PIK3CD: variants seen among roughly 807,000 people sequenced by gnomAD.
PIK3CD encodes phosphatidylinositol 4,5-bisphosphate 3-kinase catalytic subunit delta isoform.
PIK3CD carries 20 observed loss-of-function variants against 122.9 expected under a neutral mutation model. The observed-to-expected ratio is 0.16, with a 90% CI of 0.11 to 0.24. PIK3CD has a LOEUF of 0.24. PIK3CD is among the 10% of genes least tolerant of loss of function. The probability of loss-of-function intolerance (pLI) is 1.00; values close to 1 mark genes in which losing one functional copy is unlikely to be tolerated. For missense variants in PIK3CD, 787 were observed against 1,406.3 expected (o/e 0.56, Z 7.04); for synonymous variants, 596 against 593.4 (o/e 1.00, Z -0.06).
In PIK3CD at chr1:9,717,909, G is replaced by T. The variant is rs1029247537; in HGVS notation, c.1020+283G>T. Among the ~76,000 whole-genome samples, 1 of 152,132 alleles carries T rather than the reference G, an allele frequency of 6.6e-6. No homozygotes were observed. The highest frequency in any genetic ancestry group is 2.4e-5 in the African/African-American group (1 of 41,418). On this transcript the variant is annotated intron_variant, in intron 8 of 23. Coordinates refer to ENST00000377346, the MANE Select transcript of PIK3CD (RefSeq NM_005026.5). The surrounding 1 kb of genome is among the most constrained non-coding windows in gnomAD (Gnocchi z 5.4). ...GGGGCCAGGTTCAGCCCAGGGATCC[G>T]GGACCGCAGAGCTGGGGGAAGGGCC...
intron 2 of PIK3CD, among the ~76,000 whole-genome samples, chr1:9,692,596 G>A (rs1039599190): frequency 1.3e-5 from 2 of 152,056 alleles, no homozygotes; most frequent in African/African-American, 4.8e-5. Flanking sequence ...TGGGCGTAGT[G>A]GTGGGCACCT....
chr1:9,713,676 G>A (rs1287515970), intron 3 of PIK3CD, among the ~76,000 whole-genome samples: 4 of 151,896 alleles, frequency 2.6e-5, no homozygotes, highest in African/African-American at 9.7e-5. Flanking sequence ...CTGCAGCCTT[G>A]ACATCCTGGG....
the PIK3CD span, among the ~76,000 whole-genome samples, chr1:9,628,272 A>G: frequency 6.6e-6 from 1 of 152,186 alleles, no homozygotes; most frequent in African/African-American, 2.4e-5. Flanking sequence ...ACTGCGCTCC[A>G]GCCTGGGTGA....
chr1:9,691,803 T>C, intron 2 of PIK3CD: 1 of 358,536 alleles, frequency 2.8e-6, no homozygotes, highest in Non-Finnish European at 5.0e-6. Context: ...TGCTGCTGCC[T>C]GGGAAAAGAA....
At chr1:9,677,766 A>G (rs1645594399) in intron 1 of PIK3CD, among the ~76,000 whole-genome samples, 1 of 151,894 alleles carries the variant, frequency 6.6e-6, no homozygotes, top group African/African-American at 2.4e-5. Flanking sequence ...AAATGTGTTT[A>G]TTCATGCATA....
At chr1:9,686,169 G>T (rs1645957221) in intron 1 of PIK3CD, among the ~76,000 whole-genome samples, 1 of 152,140 alleles carries the variant, frequency 6.6e-6, no homozygotes, top group Admixed American at 6.5e-5. Context: ...GGGAGCAGAG[G>T]CTCATTTGGT....
rs866027484 is a variant in PIK3CD, at chr1:9,689,611, G to T, written c.-137-1856G>T. Reference sequence around the variant, plus strand: ...CTGCCCTCCGGCCCCCGCCGGCCCCGCGCCGCTGCCCGGAGGCTGGCGTCT... The same window carrying T: ...CTGCCCTCCGGCCCCCGCCGGCCCCTCGCCGCTGCCCGGAGGCTGGCGTCT... On this transcript the variant is annotated intron_variant, in intron 1 of 23. Coordinates refer to ENST00000377346, the MANE Select transcript of PIK3CD (RefSeq NM_005026.5). This position sits in a 1 kb window ranked among gnomAD's most constrained non-coding sequence, Gnocchi z 6.1. Among the ~76,000 whole-genome samples, 10 of 150,948 alleles carry T rather than the reference G, an allele frequency of 6.6e-5. No homozygotes were observed. Among genetic ancestry groups the T allele is most frequent in the Non-Finnish European group, 4.4e-5 (3 of 67,570 alleles).
rs957498801 is a variant in PIK3CD, at chr1:9,717,712, G to A, written c.1020+86G>A. 8.9e-6 allele frequency: 11 copies of A among 1,240,728 alleles called. No individual in the cohort carries two copies. The highest frequency in any genetic ancestry group is 7.4e-5 in the African/African-American group (5 of 67,344). 76.9% of individuals were successfully genotyped at this position (1,240,728 alleles called of 1,614,324 possible). ...TCCTGGAGGGGTAGCAGAGGAAGGA[G>A]GGGGATCACATGAAAGCCACCTGAC... On this transcript the variant is annotated intron_variant, in intron 8 of 23. Coordinates refer to ENST00000377346, the MANE Select transcript of PIK3CD (RefSeq NM_005026.5). The surrounding 1 kb of genome is among the most constrained non-coding windows in gnomAD (Gnocchi z 5.4).
In PIK3CD at chr1:9,720,160, C is replaced by A; in HGVS notation, c.1388C>A (p.Pro463His). The part of the protein sequence containing the change: ...LNPTGTVRSN[P>H]NTDSAAALLI... ...CCCACGGGCACTGTGCGCAGTAACC[C>A]CAACACGGATAGCGCCGCTGCCCTG... Residue 463 changes from proline (P) to histidine (H), a missense_variant, in exon 11 of 24, where the codon CCC becomes CAC. Coordinates refer to ENST00000377346, the MANE Select transcript of PIK3CD (RefSeq NM_005026.5). The surrounding 1 kb of genome is among the most constrained non-coding windows in gnomAD (Gnocchi z 9.0). 1 of 1,613,182 alleles carries A rather than the reference C, an allele frequency of 6.2e-7. No homozygotes were observed. Among genetic ancestry groups the A allele is most frequent in the Non-Finnish European group, 8.5e-7 (1 of 1,179,998 alleles).
intron 1 of PIK3CD, among the ~76,000 whole-genome samples, chr1:9,665,654 C>G (rs558470066): frequency 6.6e-6 from 1 of 152,008 alleles, no homozygotes; most frequent in East Asian, 1.9e-4. Flanking sequence ...GGAAATATTC[C>G]GCAGCCAGAT....
In PIK3CD at chr1:9,718,553, G is replaced by T. The variant is rs148360042; in HGVS notation, c.1021-141G>T. The T allele has an allele frequency of 0.011, 9,193 of 830,066 alleles. 62 individuals carry two copies. The highest frequency in any genetic ancestry group is 0.017 in the Admixed American group (849 of 50,062). 51.4% of individuals were successfully genotyped at this position (830,066 alleles called of 1,614,324 possible). A position where few individuals can be genotyped will look rare whatever the true frequency, so the allele number is the denominator to read the frequency against. On this transcript the variant is annotated intron_variant, in intron 8 of 23. Transcript: ENST00000377346. This position sits in a 1 kb window ranked among gnomAD's most constrained non-coding sequence, Gnocchi z 7.2. ...CGCTCATGCCCCTCAGGCCTTCCCT[G>T]TGCTGCACCACCTTCCTTCGTGTGG...
At chr1:9,669,688 G>A (rs1486769171) in intron 1 of PIK3CD, among the ~76,000 whole-genome samples, 2 of 152,080 alleles carry the variant, frequency 1.3e-5, no homozygotes, top group Non-Finnish European at 2.9e-5. Flanking sequence ...CTTAAGGGAG[G>A]AGAGGAAAGT....
At chr1:9,674,128 G>A (rs1645425657) in intron 1 of PIK3CD, among the ~76,000 whole-genome samples, 1 of 152,174 alleles carries the variant, frequency 6.6e-6, no homozygotes, top group African/African-American at 2.4e-5. Context: ...TGGGCCAGAG[G>A]CAGGTTCAAC....
At position 9,720,723 on chromosome 1, in the gene PIK3CD, T is replaced by C. The variant is rs77571929; in HGVS notation, c.1522-19T>C. 6.7e-3 allele frequency: 10,814 copies of C among 1,607,998 alleles called. 259 individuals carry two copies. Among genetic ancestry groups the C allele is most frequent in the African/African-American group, 0.065 (4,861 of 74,784 alleles). ...GCCGGCGTGGAACCAGAGCCCTCAC[T>C]CCTGCCCACACCCCTCAGCAGCTGC... On this transcript the variant is annotated intron_variant, in intron 12 of 23. Coordinates refer to ENST00000377346, the MANE Select transcript of PIK3CD (RefSeq NM_005026.5). The surrounding 1 kb of genome is among the most constrained non-coding windows in gnomAD (Gnocchi z 9.0).
chr1:9,657,125 G>A (rs979441873), intron 1 of PIK3CD, among the ~76,000 whole-genome samples: 7 of 151,962 alleles, frequency 4.6e-5, no homozygotes, highest in African/African-American at 9.7e-5. Flanking sequence ...CTCTGCCTCC[G>A]TCTTCACAAG....
At chr1:9,698,369 C>T (rs893732417) in intron 2 of PIK3CD, among the ~76,000 whole-genome samples, 2 of 152,170 alleles carry the variant, frequency 1.3e-5, no homozygotes, top group Non-Finnish European at 2.9e-5. Context: ...CTCGAACTCC[C>T]AACTTCAGGT....
chr1:9,717,448 G>T lies in PIK3CD; in HGVS notation c.931-89G>T, dbSNP rs569076524. The T allele has an allele frequency of 3.1e-6, 4 of 1,274,820 alleles. No individual in the cohort carries two copies. The highest frequency in any genetic ancestry group is 2.3e-6 in the Non-Finnish European group (2 of 873,554). The allele number at this position is 1,274,820 out of a possible 1,614,324, so 79.0% of individuals were successfully genotyped here. ...CCGCAAACCTGTGACCCTCTCACCC[G>T]CCCCCAAGTGGTCACGGGCCTCACC... On this transcript the variant is annotated intron_variant, in intron 7 of 23. Coordinates refer to ENST00000377346, the MANE Select transcript of PIK3CD (RefSeq NM_005026.5). This position sits in a 1 kb window ranked among gnomAD's most constrained non-coding sequence, Gnocchi z 5.4.
intron 1 of PIK3CD, among the ~76,000 whole-genome samples, chr1:9,667,968 G>A (rs1645214932): frequency 7.0e-6 from 1 of 143,146 alleles, no homozygotes; most frequent in Non-Finnish European, 1.5e-5. Flanking sequence ...GCCCATGATG[G>A]TCTGGAACTC....
In PIK3CD at chr1:9,719,274, C is replaced by T. The variant is rs996057769; in HGVS notation, c.1242+359C>T. Among the ~76,000 whole-genome samples, 3 of 152,196 alleles carry T rather than the reference C, an allele frequency of 2.0e-5. No homozygotes were observed. Among genetic ancestry groups the T allele is most frequent in the Non-Finnish European group, 4.4e-5 (3 of 68,034 alleles). ...GGCGTAGTGGCTGGGTGCTGAGTCACGGTCCCAGGATATGGCTCCCCTCGG... is the reference window on the plus strand; with the variant it reads ...GGCGTAGTGGCTGGGTGCTGAGTCATGGTCCCAGGATATGGCTCCCCTCGG... On this transcript the variant is annotated intron_variant, in intron 9 of 23. Transcript: ENST00000377346. The surrounding 1 kb of genome is among the most constrained non-coding windows in gnomAD (Gnocchi z 5.5).
Sources: gnomAD v4.1 joint callset for allele counts (sites outside exome capture counted in the v4.1 genomes callset) on GRCh38, gnomAD v4.1.1 for gene constraint, Gnocchi (gnomAD v3.1) non-coding constraint, MANE v1.5 for transcripts, NCBI Gene and HGNC (gene_info 2026-07-23, HGNC 2026-07-21) for gene names.